The following EPHA6 variants were observed in gnomAD, a reference collection of about 807,000 sequenced individuals.
EPHA6 encodes EPH receptor A6.
A neutral mutation model predicts 112.0 loss-of-function variants in EPHA6; 50 were observed. The observed-to-expected ratio is 0.45, with a 90% CI of 0.36 to 0.56. The LOEUF is 0.56. EPHA6 is among the 20% of genes least tolerant of loss of function. The pLI, the probability that EPHA6 is intolerant of heterozygous loss-of-function variation, is 0.00. For synonymous variants in EPHA6, 529 were observed against 490.7 expected (o/e 1.08, Z -1.03); for missense variants, 1,280 against 1,417.4 (o/e 0.90, Z 1.56).
chr3:97,661,318 G>A (rs2094168562), intron 14 of EPHA6, among the ~76,000 whole-genome samples: 1 of 152,144 alleles, frequency 6.6e-6, no homozygotes, highest in Admixed American at 6.6e-5. Context: ...TCAAGTCCCT[G>A]TGTTTATCTT....
At chr3:97,047,625 A>C (rs2045558058) in intron 3 of EPHA6, among the ~76,000 whole-genome samples, 1 of 151,746 alleles carries the variant, frequency 6.6e-6, no homozygotes, top group African/African-American at 2.4e-5. Flanking sequence ...TGTACAGATT[A>C]TCTTTTAAAA....
chr3:97,033,408 C>G (rs189054805), intron 3 of EPHA6, among the ~76,000 whole-genome samples: 12 of 151,810 alleles, frequency 7.9e-5, no homozygotes, highest in Admixed American at 5.9e-4. Context: ...TCGGTCAGCA[C>G]GAGTAAAGAA....
chr3:97,334,729 T>C (rs1453807249), intron 5 of EPHA6, among the ~76,000 whole-genome samples: 3 of 152,146 alleles, frequency 2.0e-5, no homozygotes, highest in Non-Finnish European at 4.4e-5. Context: ...TGTTGAGCTT[T>C]GGTAATTTGT....
chr3:96,968,493 A>G (rs2107775526), intron 2 of EPHA6, among the ~76,000 whole-genome samples: 1 of 151,814 alleles, frequency 6.6e-6, no homozygotes, highest in Non-Finnish European at 1.5e-5. Context: ...CTGTCTCTTA[A>G]GAATATTGGA....
chr3:97,689,461 G>C (rs927084628), intron 14 of EPHA6, among the ~76,000 whole-genome samples: 8 of 152,180 alleles, frequency 5.3e-5, no homozygotes, highest in Admixed American at 4.6e-4. Context: ...TTTTGGCGGG[G>C]TGGGCTTGCC....
chr3:97,320,424 C>T (rs2082054937), intron 5 of EPHA6, among the ~76,000 whole-genome samples: 1 of 151,502 alleles, frequency 6.6e-6, no homozygotes, highest in South Asian at 2.1e-4. Context: ...CTGAAATACA[C>T]CAGATGACTA....
chr3:97,281,027 G>C (rs1316218046), intron 5 of EPHA6, among the ~76,000 whole-genome samples: 9 of 152,096 alleles, frequency 5.9e-5, no homozygotes, highest in Non-Finnish European at 1.3e-4. Context: ...TGGCATTTCT[G>C]TACTATTTTT....
intron 5 of EPHA6, among the ~76,000 whole-genome samples, chr3:97,363,146 C>A (rs2084468049): frequency 9.6e-6 from 1 of 104,090 alleles, no homozygotes; most frequent in Non-Finnish European, 1.8e-5. Context: ...CATCAAAAGC[C>A]ATAATTATGC....
chr3:96,892,647 A>C (rs980525031), intron 2 of EPHA6, among the ~76,000 whole-genome samples: 1 of 151,418 alleles, frequency 6.6e-6, no homozygotes, highest in Non-Finnish European at 1.5e-5. Flanking sequence ...CAAATCTCGG[A>C]ATCTACTTTT....
chr3:97,292,316 A>G (rs2080715408), intron 5 of EPHA6, among the ~76,000 whole-genome samples: 1 of 152,220 alleles, frequency 6.6e-6, no homozygotes, highest in Admixed American at 6.5e-5. Context: ...GTCACTCACA[A>G]TGTGGTAAAT....
At chr3:96,956,972 G>A (rs1224584220) in intron 2 of EPHA6, among the ~76,000 whole-genome samples, 2 of 151,358 alleles carry the variant, frequency 1.3e-5, no homozygotes, top group Non-Finnish European at 2.9e-5. Context: ...GGCAGAGGTT[G>A]CAGTGAGCCA....
At chr3:96,841,325 G>T (rs958379260) in intron 1 of EPHA6, among the ~76,000 whole-genome samples, 21 of 152,100 alleles carry the variant, frequency 1.4e-4, no homozygotes, top group Non-Finnish European at 1.8e-4. Context: ...AATGCGGGCG[G>T]GTTTGCCCTA....
intron 11 of EPHA6, among the ~76,000 whole-genome samples, chr3:97,585,895 C>A (rs907969357): frequency 6.6e-6 from 1 of 151,884 alleles, no homozygotes; most frequent in African/African-American, 2.4e-5. Flanking sequence ...ATAGATGTGG[C>A]AATAAATATT....
In EPHA6 at chr3:97,363,214, ATATATATATATATATATATAT is replaced by A. The variant is rs2084490353; in HGVS notation, c.1607-41935_1607-41915del. On this transcript the variant is annotated intron_variant, in intron 5 of 17. Transcript: ENST00000389672. ...TATATATATATATATATATATATAT[ATATATATATATATATATATAT>A]ATAAATCTCAGATGCTACAAAAACT... 8.0e-5 allele frequency among the ~76,000 whole-genome samples: 6 copies of A among 74,896 alleles called. 1 individual carries two copies. Among genetic ancestry groups the A allele is most frequent in the Admixed American group, 6.1e-4 (5 of 8,160 alleles). The allele number at this position is 74,896 out of a possible 152,430, so 49.1% of individuals were successfully genotyped here.
At chr3:97,150,695 T>G (rs990482958) in intron 3 of EPHA6, among the ~76,000 whole-genome samples, 1 of 152,140 alleles carries the variant, frequency 6.6e-6, no homozygotes, top group African/African-American at 2.4e-5. Context: ...TACAATAGCC[T>G]AATATGTAAG....
chr3:97,642,418 C>T (rs1256259960), intron 14 of EPHA6, among the ~76,000 whole-genome samples: 10 of 144,650 alleles, frequency 6.9e-5, no homozygotes, highest in Non-Finnish European at 1.4e-4. Context: ...TCCTCACCAG[C>T]AACGGAACAA....
chr3:96,876,783 C>A (rs62262949), intron 2 of EPHA6, among the ~76,000 whole-genome samples: 1 of 152,032 alleles, frequency 6.6e-6, no homozygotes, highest in Non-Finnish European at 1.5e-5. Context: ...CTCTTCACTC[C>A]AACCCCCACT....
At chr3:96,891,260 G>GA (rs201239387) in intron 2 of EPHA6, among the ~76,000 whole-genome samples, 1,607 of 151,684 alleles carry the variant, frequency 0.011, 25 homozygotes, top group African/African-American at 0.036. Context: ...CAAAGAAACT[G>GA]AAAAAAAATC....
chr3:97,387,406 T>C (rs1293870302), intron 5 of EPHA6, among the ~76,000 whole-genome samples: 6 of 152,028 alleles, frequency 3.9e-5, no homozygotes, highest in Non-Finnish European at 7.4e-5. Flanking sequence ...TAGAAATTTC[T>C]TCTTCAAATA....
Sources: gnomAD v4.1 joint callset for allele counts (sites outside exome capture counted in the v4.1 genomes callset) on GRCh38, gnomAD v4.1.1 for gene constraint, MANE v1.5 for transcripts, NCBI Gene and HGNC (gene_info 2026-07-23, HGNC 2026-07-21) for gene names.